KIF1B: variants seen among roughly 807,000 people sequenced by gnomAD.
The protein encoded by KIF1B is kinesin-like protein KIF1B.
A neutral mutation model predicts 241.9 loss-of-function variants in KIF1B; 76 were observed. The observed-to-expected ratio is 0.31, with a 90% CI of 0.26 to 0.38. KIF1B has a LOEUF of 0.38. Ranked by LOEUF, KIF1B falls within the 10% of genes least tolerant of loss-of-function variation. The pLI, the probability that KIF1B is intolerant of heterozygous loss-of-function variation, is 1.00. For synonymous variants in KIF1B, 750 were observed against 796.7 expected, an observed-to-expected ratio of 0.94 and a Z score of 0.99; for missense variants, 1,622 against 2,271.4, an observed-to-expected ratio of 0.71 and a Z score of 5.81.
intron 1 of KIF1B, among the ~76,000 whole-genome samples, chr1:10,217,130 C>T (rs1012622969): frequency 1.2e-4 from 18 of 151,176 alleles, no homozygotes; most frequent in African/African-American, 3.9e-4. Flanking sequence ...TGTGCCACCA[C>T]GCCCAGCTAA....
chr1:10,307,904 C>G, intron 22 of KIF1B: 1 of 1,050,106 alleles, frequency 9.5e-7, no homozygotes, highest in East Asian at 5.5e-5. Flanking sequence ...ATTCCTGCTT[C>G]TAATTCCTTC....
chr1:10,250,775 A>G (rs1293264377), intron 2 of KIF1B, among the ~76,000 whole-genome samples: 2 of 152,210 alleles, frequency 1.3e-5, no homozygotes, highest in Non-Finnish European at 2.9e-5. Context: ...GCAGTAAGCC[A>G]TGATTGAGCC....
intron 10 of KIF1B, among the ~76,000 whole-genome samples, chr1:10,274,163 C>G (rs1648978077): frequency 6.6e-6 from 1 of 150,800 alleles, no homozygotes; most frequent in African/African-American, 2.5e-5. Context: ...GTCTCGAACT[C>G]CTGACCTCAA....
At chr1:10,315,796 C>G (rs1335325777) in intron 22 of KIF1B, among the ~76,000 whole-genome samples, 1 of 151,202 alleles carries the variant, frequency 6.6e-6, no homozygotes, top group African/African-American at 2.5e-5. Flanking sequence ...TGGCTCACGC[C>G]TCTAATCCCA....
At chr1:10,304,107 T>G in intron 22 of KIF1B, 1 of 1,614,136 alleles carries the variant, frequency 6.2e-7, no homozygotes, top group South Asian at 1.1e-5. Flanking sequence ...CTTGGAGTCC[T>G]GGGACACATA....
At chr1:10,342,621 T>C (rs941152491) in intron 33 of KIF1B, among the ~76,000 whole-genome samples, 1 of 152,208 alleles carries the variant, frequency 6.6e-6, no homozygotes, top group African/African-American at 2.4e-5. Flanking sequence ...GGAGACATTT[T>C]TTAAATGAGA....
At chr1:10,330,154 A>G (rs1651869364) in intron 27 of KIF1B, among the ~76,000 whole-genome samples, 1 of 152,200 alleles carries the variant, frequency 6.6e-6, no homozygotes, top group South Asian at 2.1e-4. Context: ...TCAAAGTATA[A>G]GGATTCTCAA....
chr1:10,376,828 T>C lies in KIF1B; in HGVS notation c.*241T>C. On this transcript the variant is annotated 3_prime_UTR_variant, in exon 49 of 49. Coordinates refer to ENST00000676179, the MANE Select transcript of KIF1B (RefSeq NM_001365951.3). ...TGTGGCCTAACAAAAGGAAAAAATG[T>C]TTTTAAACACACACACACACACACA... 1 of 493,348 alleles carries C rather than the reference T, an allele frequency of 2.0e-6. No individual in the cohort carries two copies. The highest frequency in any genetic ancestry group is 2.2e-5 in the African/African-American group (1 of 45,226). 30.6% of individuals were successfully genotyped at this position (493,348 alleles called of 1,614,324 possible).
At chr1:10,227,891 G>T (rs1646930517) in intron 1 of KIF1B, 1 of 154,336 alleles carries the variant, frequency 6.5e-6, no homozygotes, top group Non-Finnish European at 1.5e-5. Flanking sequence ...TTTCTGTAAA[G>T]AACTTACCCT....
chr1:10,256,415 G>A (rs1647783929), intron 3 of KIF1B, 92 bp downstream of exon 3: 2 of 872,472 alleles, frequency 2.3e-6, no homozygotes. Context: ...GCAGATCCAA[G>A]TTTTGCTTCT....
At chr1:10,308,623 A>G (rs1650940239) in intron 22 of KIF1B, 1 of 1,012,152 alleles carries the variant, frequency 9.9e-7, no homozygotes, top group Non-Finnish European at 1.2e-6. Context: ...CTATGTGGGA[A>G]GAGGGAAAAG....
At chr1:10,371,067 G>A (rs1283194323) in intron 44 of KIF1B, 74 bp from the exon 45 acceptor site, 2 of 1,589,182 alleles carry the variant, frequency 1.3e-6, no homozygotes, top group East Asian at 2.2e-5. Context: ...TCTGGTTGTT[G>A]AAACTCCCTA....
At chr1:10,376,483 CTG>C in intron 48 of KIF1B, 60 bp from the exon 49 acceptor site, 1 of 1,525,674 alleles carries the variant, frequency 6.6e-7, no homozygotes, top group Non-Finnish European at 9.1e-7. Flanking sequence ...AGGGAGAGGA[CTG>C]TGAGGGGACA....
At chr1:10,215,170 A>ATTTT (rs1437007597) in intron 1 of KIF1B, among the ~76,000 whole-genome samples, 19 of 50,254 alleles carry the variant, frequency 3.8e-4, no homozygotes, top group South Asian at 6.7e-4. Flanking sequence ...ATATATATAT[A>ATTTT]TATTTTTTTT....
intron 22 of KIF1B, among the ~76,000 whole-genome samples, chr1:10,313,295 G>A (rs1374072742): frequency 2.6e-5 from 4 of 151,126 alleles, no homozygotes; most frequent in Admixed American, 1.3e-4. Context: ...TCAAACTCCC[G>A]ACCTCAGGTG....
At position 10,224,622 on chromosome 1, in the gene KIF1B, A is replaced by C. The variant is rs1646887825; in HGVS notation, c.-79-7628A>C. On this transcript the variant is annotated intron_variant, in intron 1 of 48. Coordinates refer to ENST00000676179, the MANE Select transcript of KIF1B (RefSeq NM_001365951.3). ...ATGTTTTTTGGTAGAGAGTGTCTGA[A>C]TATGTTGCCCAGGCTGGTCTTGAAC... Among the ~76,000 whole-genome samples, 4 of 151,762 alleles carry C rather than the reference A, an allele frequency of 2.6e-5. No individual in the cohort carries two copies. The South Asian group carries it at 8.3e-4, about 32-fold the overall frequency.
chr1:10,331,474 T>C (rs563323987), intron 27 of KIF1B, among the ~76,000 whole-genome samples: 1 of 152,382 alleles, frequency 6.6e-6, no homozygotes, highest in Non-Finnish European at 1.5e-5. Context: ...TTATTTCATC[T>C]GATTTAATGT....
Position 10,374,982 on chromosome 1 carries a change from G to A in KIF1B, c.5225G>A (p.Arg1742His), listed in dbSNP as rs768058092. ...IYNSDKDPVERGIINLSTAQV... is the reference protein window; with the variant it reads ...IYNSDKDPVEHGIINLSTAQV... ...AACAGTGACAAAGACCCTGTGGAGC[G>A]TGGAATCATTAACCTGTCCACAGCA... The change falls in exon 47 of 49, where the codon CGT becomes CAT. Residue 1742 changes from arginine (R) to histidine (H), a missense_variant. Arg to His is a conservative substitution (Grantham distance 29). Transcript: ENST00000676179. This position sits in a 1 kb window ranked among gnomAD's most constrained non-coding sequence, Gnocchi z 4.3. The A allele has an allele frequency of 8.1e-6, 13 of 1,614,024 alleles. No homozygotes were observed. The highest frequency in any genetic ancestry group is 3.3e-5 in the South Asian group (3 of 91,090).
intron 22 of KIF1B, among the ~76,000 whole-genome samples, chr1:10,297,511 A>T (rs539217446): frequency 6.6e-6 from 1 of 152,336 alleles, no homozygotes; most frequent in African/African-American, 2.4e-5. Context: ...TTAAGGAAAT[A>T]GAGCTTTTCT....
Sources: gnomAD v4.1 joint callset for allele counts (sites outside exome capture counted in the v4.1 genomes callset) on GRCh38, gnomAD v4.1.1 for gene constraint, Gnocchi (gnomAD v3.1) non-coding constraint, MANE v1.5 for transcripts, NCBI Gene and HGNC (gene_info 2026-07-23, HGNC 2026-07-21) for gene names.